Variants in ERC2 observed in about 807,000 individuals in gnomAD.
The protein encoded by ERC2 is ELKS/RAB6-interacting/CAST family member 2.
In ERC2, 42 loss-of-function variants were observed where a neutral mutation model predicts 114.8. That is an observed-to-expected ratio of 0.37 (90% CI 0.29 to 0.47). The LOEUF is 0.47. Among genes scored for constraint, ERC2 ranks in the 20% least tolerant of loss-of-function variants. The pLI, the probability that ERC2 is intolerant of heterozygous loss-of-function variation, is 0.99. For missense variants in ERC2, 939 were observed against 1,150.7 expected (o/e 0.82, Z 2.66); for synonymous variants, 454 against 425.5 (o/e 1.07, Z -0.82).
intron 13 of ERC2, among the ~76,000 whole-genome samples, chr3:55,911,261 C>A (rs2064790649): frequency 6.6e-6 from 1 of 152,182 alleles, no homozygotes; most frequent in Admixed American, 6.5e-5. Flanking sequence ...ACATACAGCA[C>A]TAAAATCTAG....
intron 12 of ERC2, among the ~76,000 whole-genome samples, chr3:55,970,132 T>C (rs73086190): frequency 0.015 from 2,212 of 152,276 alleles, 14 homozygotes; most frequent in African/African-American, 0.022. Context: ...TTTGGCAAAA[T>C]GTAGTACCTC....
intron 3 of ERC2, among the ~76,000 whole-genome samples, chr3:56,198,895 C>A (rs2048258529): frequency 6.6e-6 from 1 of 152,136 alleles, no homozygotes; most frequent in Non-Finnish European, 1.5e-5. Flanking sequence ...GGCCGCCAGC[C>A]CACTGTACCA....
chr3:56,146,230 T>A (rs1376420250), intron 5 of ERC2, among the ~76,000 whole-genome samples: 1 of 152,098 alleles, frequency 6.6e-6, no homozygotes, highest in Non-Finnish European at 1.5e-5. Context: ...GAGGCTGCAG[T>A]GAGCCGAGAT....
intron 4 of ERC2, among the ~76,000 whole-genome samples, chr3:56,151,196 A>AG (rs2081393771): frequency 6.6e-6 from 1 of 152,130 alleles, no homozygotes; most frequent in African/African-American, 2.4e-5. Flanking sequence ...CCTCCCGAGT[A>AG]GCTGGGATTA....
chr3:55,987,923 A>T (rs2070758357), intron 11 of ERC2, among the ~76,000 whole-genome samples: 1 of 152,154 alleles, frequency 6.6e-6, no homozygotes, highest in Non-Finnish European at 1.5e-5. Context: ...TTGAGGGCTC[A>T]ATTTGGGCAT....
intron 2 of ERC2, among the ~76,000 whole-genome samples, chr3:56,426,150 AGAG>A (rs780873219): frequency 2.6e-5 from 4 of 152,314 alleles, no homozygotes; most frequent in Non-Finnish European, 5.9e-5. Flanking sequence ...TACTTGAGGA[AGAG>A]GAGGAGGAGC....
chr3:56,184,259 G>C (rs1202485325), intron 3 of ERC2, among the ~76,000 whole-genome samples: 3 of 152,058 alleles, frequency 2.0e-5, no homozygotes, highest in Non-Finnish European at 4.4e-5. Context: ...AATGTCATAG[G>C]GAGAAACAAT....
intron 14 of ERC2, among the ~76,000 whole-genome samples, chr3:55,875,490 A>G (rs894535106): frequency 7.2e-5 from 11 of 152,186 alleles, no homozygotes; most frequent in African/African-American, 2.7e-4. Flanking sequence ...CAAACACTGC[A>G]TTTCAATTTT....
chr3:56,044,305 C>G (rs113593482), intron 7 of ERC2, among the ~76,000 whole-genome samples: 17 of 151,782 alleles, frequency 1.1e-4, no homozygotes, highest in African/African-American at 4.1e-4. Flanking sequence ...AAGTTGATGC[C>G]TTTTCACAAT....
chr3:55,858,058 C>T (rs570399843), intron 14 of ERC2, among the ~76,000 whole-genome samples: 2 of 152,258 alleles, frequency 1.3e-5, no homozygotes, highest in East Asian at 3.9e-4. Context: ...ATTTTTTTCT[C>T]CTGAAACTTG....
intron 17 of ERC2, among the ~76,000 whole-genome samples, chr3:55,534,053 T>G (rs919166053): frequency 5.3e-5 from 8 of 152,106 alleles, no homozygotes; most frequent in African/African-American, 1.4e-4. Context: ...AAGCCCAGCT[T>G]CATCCTCAGG....
At chr3:56,467,859 AC>A (rs921395809) in intron 1 of ERC2, among the ~76,000 whole-genome samples, 6 of 150,388 alleles carry the variant, frequency 4.0e-5, no homozygotes, top group Non-Finnish European at 5.9e-5. Context: ...CGAACACCCC[AC>A]CCCTCGAGGC....
chr3:56,385,752 T>C (rs1407943187), intron 2 of ERC2, among the ~76,000 whole-genome samples: 1 of 152,176 alleles, frequency 6.6e-6, no homozygotes, highest in South Asian at 2.1e-4. Flanking sequence ...TAAACATACA[T>C]ATTCTTTTTA....
intron 17 of ERC2, among the ~76,000 whole-genome samples, chr3:55,513,454 C>G (rs2052248045): frequency 1.3e-5 from 2 of 152,092 alleles, no homozygotes; most frequent in Non-Finnish European, 2.9e-5. Context: ...TTTATCTGAT[C>G]GATCCCTGTT....
intron 3 of ERC2, among the ~76,000 whole-genome samples, chr3:56,248,702 C>G (rs2051897377): frequency 6.6e-6 from 1 of 152,326 alleles, no homozygotes; most frequent in Non-Finnish European, 1.5e-5. Context: ...CAATAAAGTA[C>G]ATTCCAGGCA....
chr3:55,986,385 T>C (rs2070636535), intron 11 of ERC2, among the ~76,000 whole-genome samples: 1 of 152,240 alleles, frequency 6.6e-6, no homozygotes, highest in Admixed American at 6.5e-5. Context: ...TGGAAACTAC[T>C]AAGGTATTAG....
intron 17 of ERC2, among the ~76,000 whole-genome samples, chr3:55,515,732 A>G (rs943495789): frequency 1.3e-5 from 2 of 152,064 alleles, no homozygotes; most frequent in Non-Finnish European, 2.9e-5. Flanking sequence ...TGAGCACAGC[A>G]GTAAGATTCC....
intron 3 of ERC2, among the ~76,000 whole-genome samples, chr3:56,283,833 G>A (rs1217259097): frequency 6.6e-6 from 1 of 152,180 alleles, no homozygotes; most frequent in South Asian, 2.1e-4. Flanking sequence ...AAACCTAAAA[G>A]AAATTAAGCT....
chr3:55,841,294 T>C (rs949382079), intron 14 of ERC2, among the ~76,000 whole-genome samples: 4 of 152,138 alleles, frequency 2.6e-5, no homozygotes, highest in Non-Finnish European at 5.9e-5. Context: ...GGGGTGGATC[T>C]TTCCTATGCT....
Sources: gnomAD v4.1 joint callset for allele counts (sites outside exome capture counted in the v4.1 genomes callset) on GRCh38, gnomAD v4.1.1 for gene constraint, MANE v1.5 for transcripts, NCBI Gene and HGNC (gene_info 2026-07-23, HGNC 2026-07-21) for gene names.